ASPM: variants seen among roughly 807,000 people sequenced by gnomAD.
The protein encoded by ASPM is assembly factor for spindle microtubules, also known as abnormal spindle-like microcephaly-associated protein.
ASPM carries 256 observed loss-of-function variants against 366.4 expected under a neutral mutation model. The observed-to-expected ratio is 0.70, with a 90% CI of 0.63 to 0.77. ASPM has a LOEUF of 0.77. ASPM is among the 30% of genes least tolerant of loss of function. The pLI is 0.00. For synonymous variants in ASPM, 1,414 were observed against 1,342.9 expected, an observed-to-expected ratio of 1.05 and a Z score of -1.16; for missense variants, 4,146 against 4,090.4, an observed-to-expected ratio of 1.01 and a Z score of -0.37.
chr1:197,137,809 G>A (rs185809409), intron 4 of ASPM, among the ~76,000 whole-genome samples: 133 of 152,164 alleles, frequency 8.7e-4, no homozygotes, highest in African/African-American at 2.9e-3. Context: ...TAACTTTAGC[G>A]TATACCCCAA....
At chr1:197,084,836 A>G (rs960776144) in intron 27 of ASPM, among the ~76,000 whole-genome samples, 2 of 152,040 alleles carry the variant, frequency 1.3e-5, no homozygotes, top group African/African-American at 2.4e-5. Flanking sequence ...ACCTCAACCA[A>G]TCCTTTTTAA....
intron 5 of ASPM, 73 bp downstream of exon 5, chr1:197,135,023 G>T: frequency 8.7e-7 from 1 of 1,146,990 alleles, no homozygotes; most frequent in Non-Finnish European, 1.3e-6. Flanking sequence ...TATAATTAAA[G>T]AATGACAAAC....
chr1:197,097,351 G>A (rs770618398), intron 18 of ASPM, among the ~76,000 whole-genome samples: 5 of 151,614 alleles, frequency 3.3e-5, no homozygotes, highest in East Asian at 3.9e-4. Context: ...CATGCCCCAC[G>A]AAATGCTTAA....
rs775588360 is a variant in ASPM, at chr1:197,103,829, A to G, written c.5422T>C (p.Leu1808=). 24 of 1,613,016 alleles carry G rather than the reference A, an allele frequency of 1.5e-5. No homozygotes were observed. In the South Asian group the frequency reaches 2.5e-4, roughly 17 times the overall value. The part of the protein sequence containing the change: ...FLQVKKAATC[L]QAAYRGYKVR... ...TTATAACCTCTGTAAGCTGCTTGCAAGCAAGTAGCTGCTTTTTTGACTTGC... is the reference window on the plus strand; with the variant it reads ...TTATAACCTCTGTAAGCTGCTTGCAGGCAAGTAGCTGCTTTTTTGACTTGC... The change falls in exon 18 of 28, where the codon TTG becomes CTG. Residue 1808 remains leucine (L), a synonymous_variant. Coordinates refer to ENST00000367409, the MANE Select transcript of ASPM (RefSeq NM_018136.5).
In ASPM at chr1:197,128,475, ATTTC is replaced by A. The variant is rs745619939; in HGVS notation, c.2936+11_2936+14del. The A allele has an allele frequency of 1.3e-4, 206 of 1,604,042 alleles. No homozygotes were observed. The highest frequency in any genetic ancestry group is 1.6e-4 in the Non-Finnish European group (190 of 1,170,980). ...CTATTCCATTAAGCAAAATAATTCTATTTCTTATACGTACACAAGGCGCACTCCA... is the reference window on the plus strand; with the variant it reads ...CTATTCCATTAAGCAAAATAATTCTATTATACGTACACAAGGCGCACTCCA... On this transcript the variant is annotated intron_variant, in intron 10 of 27. Coordinates refer to ENST00000367409, the MANE Select transcript of ASPM (RefSeq NM_018136.5).
At chr1:197,107,301 G>A (rs905122527) in intron 17 of ASPM, among the ~76,000 whole-genome samples, 1 of 152,088 alleles carries the variant, frequency 6.6e-6, no homozygotes, top group Admixed American at 6.6e-5. Context: ...GCTACTGGGT[G>A]TTACATAATG....
intron 25 of ASPM, among the ~76,000 whole-genome samples, chr1:197,089,543 A>G (rs1656708834): frequency 6.6e-6 from 1 of 152,050 alleles, no homozygotes; most frequent in African/African-American, 2.4e-5. Flanking sequence ...AGGTTCTTAC[A>G]GGAGGAACCT....
In ASPM at chr1:197,138,723, TCAAA is replaced by T; in HGVS notation, c.2026+1040_2026+1043del. 4.4e-6 allele frequency: 3 copies of T among 681,756 alleles called. No homozygotes were observed. The South Asian group carries it at 4.6e-5, about 11-fold the overall frequency. The allele number at this position is 681,756 out of a possible 1,614,324, so 42.2% of individuals were successfully genotyped here. On this transcript the variant is annotated intron_variant, in intron 4 of 27. Coordinates refer to ENST00000367409, the MANE Select transcript of ASPM (RefSeq NM_018136.5). ...AGCTGGGATGTGAATGATAGGGCTC[TCAAA>T]CAGAAAATTAAGAGAAACGATTATT... is the stretch of plus-strand genomic sequence containing the variant.
Position 197,101,968 on chromosome 1 carries a change from A to G in ASPM, c.7283T>C (p.Ile2428Thr). Residue 2428 changes from isoleucine to threonine, a missense_variant, in exon 18 of 28, where the codon ATT (isoleucine) becomes ACT (threonine). Ile to Thr is a moderately conservative substitution (Grantham distance 89, BLOSUM62 -1). Coordinates refer to ENST00000367409, the MANE Select transcript of ASPM (RefSeq NM_018136.5). ...FRSLLVRRRFISLKKATIFVQ... is the reference protein window; with the variant it reads ...FRSLLVRRRFTSLKKATIFVQ... ...AAAAATAGTAGCTTTTTTGAGGGAA[A>G]TGAATCTTCTCCTCACCAGTAATGA... 6.2e-7 allele frequency: 1 copy of G among 1,612,848 alleles called. No homozygotes were observed. Among genetic ancestry groups the G allele is most frequent in the East Asian group, 2.2e-5 (1 of 44,814 alleles).
intron 5 of ASPM, 66 bp from the exon 6 acceptor site, chr1:197,133,661 C>G (rs1557961159): frequency 1.9e-6 from 3 of 1,544,490 alleles, no homozygotes; most frequent in Non-Finnish European, 2.7e-6. Flanking sequence ...TTAAATCCAG[C>G]AATAAAATGC....
chr1:197,101,848 T>C lies in ASPM; in HGVS notation c.7403A>G (p.Tyr2468Cys), dbSNP rs774819253. 3 of 1,612,708 alleles carry C rather than the reference T, an allele frequency of 1.9e-6. No homozygotes were observed. The South Asian group carries it at 3.3e-5, about 18-fold the overall frequency. Residue 2468 changes from tyrosine to cysteine, a missense_variant, in exon 18 of 28, where the codon TAC (tyrosine) becomes TGC (cysteine). Physicochemically the swap from Tyr to Cys is radical, Grantham distance 194 (BLOSUM62 -2). Transcript: ENST00000367409. ...RKAAITIQSSYRRLMVKKKLQ... is the reference protein window; with the variant it reads ...RKAAITIQSSCRRLMVKKKLQ... ...CTTCTTCTTTACCATCAGTCTTCTG[T>C]AAGATGACTGTATTGTAATGGCTGC...
In ASPM at chr1:197,124,124, A is replaced by C; in HGVS notation, c.3376T>G (p.Phe1126Val). 3 of 1,609,398 alleles carry C rather than the reference A, an allele frequency of 1.9e-6. No individual in the cohort carries two copies. The highest frequency in any genetic ancestry group is 2.5e-6 in the Non-Finnish European group (3 of 1,176,588). ...LMDWVNAVCA[F>V]YNKKVENFTV... ...AAGAAACTTACCTTTTTATTATAGA[A>C]GGCACAAACAGCATTTACCCAATCC... Residue 1126 changes from phenylalanine to valine, a missense_variant, in exon 13 of 28, where the codon TTC (phenylalanine) becomes GTC (valine). Phe to Val is a conservative substitution (Grantham distance 50). This residue lies in a region of ASPM where 3,624 missense variants were observed against 3,591.7 expected (regional missense o/e 1.01). Transcript: ENST00000367409.
intron 17 of ASPM, among the ~76,000 whole-genome samples, chr1:197,107,665 CAA>C (rs1336274482): frequency 6.6e-6 from 1 of 150,714 alleles, no homozygotes; most frequent in African/African-American, 2.5e-5. Context: ...AAAAATGCTA[CAA>C]CAAGTTGAAA....
chr1:197,133,645 A>C, intron 5 of ASPM, 50 bp from the exon 6 acceptor site: 2 of 1,580,990 alleles, frequency 1.3e-6, no homozygotes, highest in Non-Finnish European at 1.7e-6. Context: ...ATATCTCTAC[A>C]TATTCTTAAA....
At position 197,113,823 on chromosome 1, in the gene ASPM, A is replaced by C. The variant is rs546734212; in HGVS notation, c.4065+3966T>G. 1.3e-5 allele frequency among the ~76,000 whole-genome samples: 2 copies of C among 152,296 alleles called. 1 individual carries two copies. Among genetic ancestry groups the C allele is most frequent in the South Asian group, 4.1e-4 (2 of 4,820 alleles). On this transcript the variant is annotated intron_variant, in intron 17 of 27. Coordinates refer to ENST00000367409, the MANE Select transcript of ASPM (RefSeq NM_018136.5). The stretch of plus-strand genomic sequence containing the variant: ...AGATGCTCAAAATAATACTTCACAA[A>C]AGATTTCCAAAATGGAAAAGTTGTT...
chr1:197,135,296 A>C (rs1423537773), intron 4 of ASPM, 54 bp from the exon 5 acceptor site: 3 of 1,540,658 alleles, frequency 1.9e-6, no homozygotes. Flanking sequence ...CTTATTGTAC[A>C]ATATACAGCA....
Position 197,104,806 on chromosome 1 carries a change from C to T in ASPM, c.4445G>A (p.Arg1482Gln), listed in dbSNP as rs587783243. Reference protein sequence around the residue: ...QSWYRMHKELRKYIYIRSCVV... With the variant: ...QSWYRMHKELQKYIYIRSCVV... ...ACAAGATCTAATATAAATATATTTCCGTAATTCTTTATGCATTCTATACCA... is the reference window on the plus strand; with the variant it reads ...ACAAGATCTAATATAAATATATTTCTGTAATTCTTTATGCATTCTATACCA... The change falls in exon 18 of 28, where the codon CGG becomes CAG. Residue 1482 changes from arginine (R) to glutamine (Q), a missense_variant. Physicochemically the swap from Arg to Gln is conservative, Grantham distance 43 (BLOSUM62 1). This residue lies in a region of ASPM where 3,624 missense variants were observed against 3,591.7 expected (regional missense o/e 1.01). Transcript: ENST00000367409. 2.8e-5 allele frequency: 45 copies of T among 1,579,196 alleles called. No homozygotes were observed. The highest frequency in any genetic ancestry group is 6.9e-5 in the African/African-American group (5 of 72,812).
In ASPM at chr1:197,086,833, T is replaced by C; in HGVS notation, c.10301A>G (p.Glu3434Gly). 1 of 1,611,214 alleles carries C rather than the reference T, an allele frequency of 6.2e-7. No homozygotes were observed. Among genetic ancestry groups the C allele is most frequent in the Non-Finnish European group, 8.5e-7 (1 of 1,177,686 alleles). ...AACTATTCTGGTCCTTACAGGTGTT[T>C]CTGGGATAAAAGGAATGCTTATAGA... Reference protein sequence around the residue: ...NSSISIPFIPETPVRTRIVSR... With the variant: ...NSSISIPFIPGTPVRTRIVSR... Residue 3434 changes from glutamate to glycine, a missense_variant, in exon 27 of 28, where the codon GAA becomes GGA. Around this residue, in one of 3 missense-constraint regions of ASPM, gnomAD observed 3,624 missense variants for 3,591.7 expected, o/e 1.01. Transcript: ENST00000367409.
chr1:197,135,476 AACT>A (rs1280626346), intron 4 of ASPM, among the ~76,000 whole-genome samples: 1 of 152,222 alleles, frequency 6.6e-6, no homozygotes, highest in East Asian at 1.9e-4. Flanking sequence ...ACCATGAATC[AACT>A]ACATTAAAGT....
Sources: allele counts gnomAD v4.1 joint callset (sites outside exome capture counted in the v4.1 genomes callset), GRCh38; gene constraint gnomAD v4.1.1; regional missense constraint gnomAD v4.1.1; transcripts MANE v1.5; gene names NCBI Gene and HGNC (gene_info 2026-07-23, HGNC 2026-07-21).